Variants in RFX8 observed in about 807,000 individuals in gnomAD.
RFX8 encodes DNA-binding protein RFX8.
RFX8 carries 46 observed loss-of-function variants against 54.6 expected under a neutral mutation model. That is an observed-to-expected ratio of 0.84 (90% confidence interval 0.67 to 1.08). The LOEUF (loss-of-function observed/expected upper bound fraction) is 1.08. Ranked by LOEUF, RFX8 falls within the 50% of genes least tolerant of loss-of-function variation. The probability of loss-of-function intolerance (pLI) is 0.00; values close to 1 mark genes in which losing one functional copy is unlikely to be tolerated. For synonymous variants in RFX8, 192 were observed against 209.5 expected (o/e 0.92, Z 0.72); for missense variants, 536 against 562.3 (o/e 0.95, Z 0.47).
At chr2:101,417,189 C>T (rs898807063) in intron 6 of RFX8, among the ~76,000 whole-genome samples, 5 of 152,170 alleles carry the variant, frequency 3.3e-5, no homozygotes, top group African/African-American at 1.2e-4. Context: ...TCTACGCTTA[C>T]AGAATTTATT....
At position 101,407,420 on chromosome 2, in the gene RFX8, G is replaced by A. The variant is rs544030460; in HGVS notation, c.814-1363C>T. On this transcript the variant is annotated intron_variant, in intron 9 of 11. Transcript: ENST00000428343. The stretch of plus-strand genomic sequence containing the variant: ...AAAGCACAGGGATCCTGCTGGGCAC[G>A]GTGGCTCACGCCTATAATCCCAGCA... Among the ~76,000 whole-genome samples, 49 of 152,276 alleles carry A rather than the reference G, an allele frequency of 3.2e-4. 1 individual carries two copies. The highest frequency in any genetic ancestry group is 1.2e-3 in the Admixed American group (18 of 15,298).
At chr2:101,435,116 C>T (rs1032805924) in intron 2 of RFX8, 11 of 152,370 alleles carry the variant, frequency 7.2e-5, no homozygotes, top group African/African-American at 2.7e-4. Context: ...GCTCCGCCGT[C>T]TGCACAGCCG....
Position 101,466,868 on chromosome 2 carries a change from C to A in RFX8, c.-20G>T. 1 of 1,541,754 alleles carries A rather than the reference C, an allele frequency of 6.5e-7. No individual in the cohort carries two copies. Among genetic ancestry groups the A allele is most frequent in the South Asian group, 1.2e-5 (1 of 83,828 alleles). ...ATACATGAGACAGCGAGGGACGCTG[C>A]ACTCTTCGCAAATGCAGAAGTTGTC... On this transcript the variant is annotated 5_prime_UTR_variant, in exon 2 of 12. Coordinates refer to ENST00000428343, the MANE Select transcript of RFX8 (RefSeq NM_001145664.2).
At chr2:101,469,681 C>T (rs1689868390) in intron 1 of RFX8, among the ~76,000 whole-genome samples, 1 of 151,984 alleles carries the variant, frequency 6.6e-6, no homozygotes, top group Non-Finnish European at 1.5e-5. Context: ...TCTAGTTTTC[C>T]ATGTTTGCTG....
intron 8 of RFX8, 33 bp downstream of exon 8, chr2:101,412,882 C>T (rs373089263): frequency 3.3e-5 from 51 of 1,537,646 alleles, no homozygotes; most frequent in East Asian, 1.7e-4. Context: ...ATGCCCAACA[C>T]GCCAATAAAG....
At chr2:101,439,995 T>C (rs1469656076) in intron 2 of RFX8, among the ~76,000 whole-genome samples, 3 of 151,900 alleles carry the variant, frequency 2.0e-5, no homozygotes, top group African/African-American at 7.3e-5. Context: ...TAAGGGAGAG[T>C]GTTCTCCTCC....
At chr2:101,424,090 T>G (rs1687028276) in intron 2 of RFX8, among the ~76,000 whole-genome samples, 1 of 151,992 alleles carries the variant, frequency 6.6e-6, no homozygotes, top group Non-Finnish European at 1.5e-5. Flanking sequence ...GATGTAGGGG[T>G]ATAGATGTCT....
At chr2:101,449,577 G>A (rs947471678) in intron 2 of RFX8, among the ~76,000 whole-genome samples, 5 of 152,250 alleles carry the variant, frequency 3.3e-5, no homozygotes, top group Non-Finnish European at 4.4e-5. Flanking sequence ...GAAAATCAAG[G>A]GGCAGAGACA....
chr2:101,450,939 A>T (rs1455974665), intron 2 of RFX8, among the ~76,000 whole-genome samples: 3 of 152,126 alleles, frequency 2.0e-5, no homozygotes, highest in Admixed American at 6.5e-5. Context: ...GCACACACTA[A>T]TCTTAGAGAG....
chr2:101,420,013 C>A (rs1172217233), intron 4 of RFX8, among the ~76,000 whole-genome samples: 1 of 152,150 alleles, frequency 6.6e-6, no homozygotes, highest in East Asian at 1.9e-4. Context: ...ATTTCTCTAA[C>A]CTGCCCTGTT....
At chr2:101,454,114 T>C (rs1688842706) in intron 2 of RFX8, among the ~76,000 whole-genome samples, 1 of 151,438 alleles carries the variant, frequency 6.6e-6, no homozygotes, top group South Asian at 2.1e-4. Flanking sequence ...GCTCTCATTG[T>C]TCAATTCCCA....
chr2:101,435,287 A>C (rs929589761), intron 2 of RFX8, among the ~76,000 whole-genome samples: 1 of 152,220 alleles, frequency 6.6e-6, no homozygotes, highest in African/African-American at 2.4e-5. Context: ...GCCGAGCTGA[A>C]AAAGCTGACA....
At chr2:101,443,591 C>G (rs1453701472) in intron 2 of RFX8, among the ~76,000 whole-genome samples, 1 of 152,052 alleles carries the variant, frequency 6.6e-6, no homozygotes, top group African/African-American at 2.4e-5. Context: ...GATAGAAGAG[C>G]TCTGAAAGCG....
intron 2 of RFX8, among the ~76,000 whole-genome samples, chr2:101,424,273 AT>A (rs1202788450): frequency 6.6e-6 from 1 of 152,204 alleles, no homozygotes; most frequent in Non-Finnish European, 1.5e-5. Flanking sequence ...AAAAATGCTC[AT>A]CATCACTGGT....
rs1216142822 is a variant in RFX8, at chr2:101,413,699, C to T, written c.562-628G>A. Among the ~76,000 whole-genome samples, 7 of 152,248 alleles carry T rather than the reference C, an allele frequency of 4.6e-5. No individual in the cohort carries two copies. In the East Asian group the frequency reaches 1.2e-3, roughly 25 times the overall value. Reference sequence around the variant, plus strand: ...GGGCAGTAAGTGGGAAGATAAGGCTCAGAGCAGGGGCAGGCTTCAGAACCC... The same window carrying T: ...GGGCAGTAAGTGGGAAGATAAGGCTTAGAGCAGGGGCAGGCTTCAGAACCC... On this transcript the variant is annotated intron_variant, in intron 7 of 11. Coordinates refer to ENST00000428343, the MANE Select transcript of RFX8 (RefSeq NM_001145664.2).
intron 1 of RFX8, among the ~76,000 whole-genome samples, chr2:101,467,869 T>TA (rs142138843): frequency 0.032 from 4,918 of 151,898 alleles, 246 homozygotes; most frequent in African/African-American, 0.11. Flanking sequence ...CATCGTTCTT[T>TA]AAAAAAAATA....
intron 2 of RFX8, among the ~76,000 whole-genome samples, chr2:101,425,385 T>C (rs141103304): frequency 2.0e-5 from 3 of 152,320 alleles, no homozygotes; most frequent in African/African-American, 4.8e-5. Flanking sequence ...GAACTCTAGA[T>C]GTATAACCAG....
chr2:101,399,162 C>T (rs572849542), intron 11 of RFX8, among the ~76,000 whole-genome samples: 7 of 152,268 alleles, frequency 4.6e-5, no homozygotes, highest in South Asian at 2.1e-4. Context: ...CAGTTGTTAC[C>T]GGAGGTGCAG....
At chr2:101,469,032 G>A (rs11679186) in intron 1 of RFX8, among the ~76,000 whole-genome samples, 8 of 22,534 alleles carry the variant, frequency 3.6e-4, no homozygotes, top group South Asian at 1.5e-3. Flanking sequence ...ATATATATAC[G>A]TATATATATG....
Sources: allele counts gnomAD v4.1 joint callset (sites outside exome capture counted in the v4.1 genomes callset), GRCh38; gene constraint gnomAD v4.1.1; transcripts MANE v1.5; gene names NCBI Gene and HGNC (gene_info 2026-07-23, HGNC 2026-07-21).